The following EXTL3 variants were observed in gnomAD, a reference collection of about 807,000 sequenced individuals.
The protein encoded by EXTL3 is exostosin-like 3.
Under a neutral mutation model 69.3 loss-of-function variants are expected in EXTL3, and 27 were observed. The observed-to-expected ratio is 0.39, with a 90% CI of 0.29 to 0.54. The LOEUF (loss-of-function observed/expected upper bound fraction) is 0.54, where lower values mean the gene tolerates loss of function less well. Among genes scored for constraint, EXTL3 ranks in the 20% least tolerant of loss-of-function variants. The pLI is 0.69. For synonymous variants in EXTL3, 511 were observed against 499.4 expected (o/e 1.02, Z -0.31); for missense variants, 1,003 against 1,231.8 (o/e 0.81, Z 2.78).
chr8:28,720,456 G>A (rs896264303), intron 3 of EXTL3, among the ~76,000 whole-genome samples: 3 of 152,216 alleles, frequency 2.0e-5, no homozygotes, highest in African/African-American at 7.2e-5. Context: ...TTTGTGGGCT[G>A]TGAAGTGTAT....
At chr8:28,609,342 G>C (rs967626833) in intron 2 of EXTL3, among the ~76,000 whole-genome samples, 4 of 151,988 alleles carry the variant, frequency 2.6e-5, no homozygotes, top group Non-Finnish European at 5.9e-5. Flanking sequence ...TCACTGGCAT[G>C]AGGGTTTCGC....
intron 1 of EXTL3, among the ~76,000 whole-genome samples, chr8:28,626,532 G>C (rs1467142824): frequency 6.6e-6 from 1 of 152,192 alleles, no homozygotes; most frequent in Non-Finnish European, 1.5e-5. Flanking sequence ...TCTTAGACAT[G>C]ATTTCATTTG....
intron 1 of EXTL3, among the ~76,000 whole-genome samples, chr8:28,661,939 T>C (rs538177773): frequency 6.6e-6 from 1 of 151,128 alleles, no homozygotes; most frequent in East Asian, 1.9e-4. Context: ...ACATATTGTT[T>C]CACATATTAC....
intron 1 of EXTL3, chr8:28,631,489 C>G (rs1022316533): frequency 6.6e-6 from 1 of 152,098 alleles, no homozygotes; most frequent in Admixed American, 6.6e-5. Flanking sequence ...GCAGAGGATC[C>G]CTTGGCATGA....
At chr8:28,639,401 T>C (rs544688476) in intron 1 of EXTL3, among the ~76,000 whole-genome samples, 26 of 152,340 alleles carry the variant, frequency 1.7e-4, no homozygotes, top group Admixed American at 1.1e-3. Context: ...CAGGTTCTGC[T>C]GCTCTGCAGT....
chr8:28,663,286 A>C (rs1200206406), intron 1 of EXTL3, among the ~76,000 whole-genome samples: 1 of 152,082 alleles, frequency 6.6e-6, no homozygotes, highest in African/African-American at 2.4e-5. Flanking sequence ...TCTTTTTATA[A>C]AGTAGAAAAG....
At position 28,750,618 on chromosome 8, in the gene EXTL3, A is replaced by G; in HGVS notation, c.2551-39A>G. The G allele has an allele frequency of 6.5e-7, 1 of 1,528,870 alleles. No homozygotes were observed. The highest frequency in any genetic ancestry group is 9.1e-7 in the Non-Finnish European group (1 of 1,102,920). The allele number at this position is 1,528,870 out of a possible 1,614,324, so 94.7% of individuals were successfully genotyped here. On this transcript the variant is annotated intron_variant, in intron 6 of 6. Transcript: ENST00000220562. This position sits in a 1 kb window ranked among gnomAD's most constrained non-coding sequence, Gnocchi z 5.2. ...CAGCTGCAAGGGTTCTGTCAGTATT[A>G]GCTGGGATTCCCACTCTGTCTCTCT...
chr8:28,662,377 C>T (rs1002695819), intron 1 of EXTL3, among the ~76,000 whole-genome samples: 1 of 152,094 alleles, frequency 6.6e-6, no homozygotes, highest in Admixed American at 6.6e-5. Flanking sequence ...ATTGAACAAG[C>T]GTTTAATCAT....
At chr8:28,657,734 GA>G (rs1212974436) in intron 1 of EXTL3, among the ~76,000 whole-genome samples, 6 of 151,860 alleles carry the variant, frequency 4.0e-5, no homozygotes, top group South Asian at 2.1e-4. Context: ...GACCCGGGGG[GA>G]AAAAACCTAC....
At chr8:28,741,296 A>T (rs956658601) in intron 5 of EXTL3, 4 of 152,224 alleles carry the variant, frequency 2.6e-5, no homozygotes, top group Admixed American at 6.5e-5. Flanking sequence ...TTAAATTATT[A>T]TTAAAAGGCA....
At chr8:28,713,694 AG>A in intron 2 of EXTL3, 144 bp downstream of exon 2, 3 of 609,162 alleles carry the variant, frequency 4.9e-6, no homozygotes, top group Non-Finnish European at 8.7e-6. Context: ...TTGAATCACA[AG>A]GATAATGTAA....
chr8:28,631,960 C>T (rs542791432), intron 1 of EXTL3, among the ~76,000 whole-genome samples: 34 of 151,902 alleles, frequency 2.2e-4, no homozygotes, highest in African/African-American at 6.0e-4. Context: ...TGGTGGTGCA[C>T]GCCTGTAGTC....
At chr8:28,726,834 G>A (rs950286696) in intron 3 of EXTL3, among the ~76,000 whole-genome samples, 2 of 150,484 alleles carry the variant, frequency 1.3e-5, no homozygotes, top group African/African-American at 4.9e-5. Context: ...CAAAACTGTA[G>A]TGCTTGGTGT....
At chr8:28,656,977 G>A (rs1002869469) in intron 1 of EXTL3, among the ~76,000 whole-genome samples, 6 of 151,618 alleles carry the variant, frequency 4.0e-5, no homozygotes, top group Admixed American at 3.9e-4. Context: ...CTGTTGCCAA[G>A]GCTGGAGTGC....
At chr8:28,658,102 A>G (rs1205615172) in intron 1 of EXTL3, among the ~76,000 whole-genome samples, 1 of 152,174 alleles carries the variant, frequency 6.6e-6, no homozygotes, top group East Asian at 1.9e-4. Context: ...GCCTGGACAC[A>G]GGGCTGCCCG....
At chr8:28,630,823 T>G (rs1806560395) in intron 1 of EXTL3, among the ~76,000 whole-genome samples, 1 of 152,160 alleles carries the variant, frequency 6.6e-6, no homozygotes, top group Admixed American at 6.5e-5. Context: ...TCAAAGAACT[T>G]TGCTGGAAAT....
rs185047077 is a variant in EXTL3 at position 28,750,172 on chromosome 8, C to T, written c.2551-485C>T. Among the ~76,000 whole-genome samples, 3 of 152,252 alleles carry T rather than the reference C, an allele frequency of 2.0e-5. No individual in the cohort carries two copies. Among genetic ancestry groups the T allele is most frequent in the Admixed American group, 2.0e-4 (3 of 15,298 alleles). On this transcript the variant is annotated intron_variant, in intron 6 of 6. Transcript: ENST00000220562. The surrounding 1 kb of genome is among the most constrained non-coding windows in gnomAD (Gnocchi z 5.2). ...TAATATGACTAGACTGTAGTATGGC[C>T]ACTTTCCCATGGCTTTAAATGTAGT...
chr8:28,728,032 G>A (rs1801449826), intron 3 of EXTL3, among the ~76,000 whole-genome samples: 1 of 152,218 alleles, frequency 6.6e-6, no homozygotes, highest in South Asian at 2.1e-4. Flanking sequence ...AGCTGTGTGA[G>A]GGGGAGCTTT....
intron 1 of EXTL3, among the ~76,000 whole-genome samples, chr8:28,674,976 A>C (rs754967459): frequency 1.3e-5 from 2 of 152,120 alleles, no homozygotes; most frequent in Non-Finnish European, 2.9e-5. Context: ...TCTTTGTTAG[A>C]CTTCAGTCCA....
Sources: gnomAD v4.1 joint callset for allele counts (sites outside exome capture counted in the v4.1 genomes callset) on GRCh38, gnomAD v4.1.1 for gene constraint, Gnocchi (gnomAD v3.1) non-coding constraint, MANE v1.5 for transcripts, NCBI Gene and HGNC (gene_info 2026-07-23, HGNC 2026-07-21) for gene names.